The following FBXO34 variants were observed in gnomAD, a reference collection of about 807,000 sequenced individuals.
The protein encoded by FBXO34 is F-box only protein 34.
Under a neutral mutation model 24.5 loss-of-function variants are expected in FBXO34, and 12 were observed. The observed-to-expected ratio is 0.49, with a 90% CI of 0.31 to 0.79. The LOEUF (loss-of-function observed/expected upper bound fraction) is 0.79. Among genes scored for constraint, FBXO34 ranks in the 30% least tolerant of loss-of-function variants. The pLI is 0.04. For missense variants in FBXO34, 823 were observed against 857.7 expected (o/e 0.96, Z 0.51); for synonymous variants, 320 against 311.9 (o/e 1.03, Z -0.27).
At chr14:55,427,478 C>G in the FBXO34 span, among the ~76,000 whole-genome samples, 1 of 152,036 alleles carries the variant, frequency 6.6e-6, no homozygotes, top group Non-Finnish European at 1.5e-5. Context: ...CAATATGATC[C>G]CTATCTACTC....
intron 1 of FBXO34, among the ~76,000 whole-genome samples, chr14:55,310,338 A>G (rs995482693): frequency 1.3e-5 from 2 of 152,236 alleles, no homozygotes; most frequent in African/African-American, 4.8e-5. Flanking sequence ...GAGAAATGCT[A>G]GTAGCAGGTT....
At chr14:55,273,778 C>T (rs1881240820) in intron 1 of FBXO34, among the ~76,000 whole-genome samples, 1 of 152,104 alleles carries the variant, frequency 6.6e-6, no homozygotes. Flanking sequence ...GCCGGCTACA[C>T]GGCTGTATGT....
the FBXO34 span, chr14:55,433,825 A>G: frequency 2.1e-6 from 2 of 952,842 alleles, no homozygotes; most frequent in South Asian, 3.7e-5. Context: ...ATTGGATGGG[A>G]AAACTAAATG....
At chr14:55,428,865 C>A in the FBXO34 span, 1 of 1,614,224 alleles carries the variant, frequency 6.2e-7, no homozygotes. Context: ...AATCTCACAT[C>A]ACAGCTTCCA....
the FBXO34 span, among the ~76,000 whole-genome samples, chr14:55,396,365 A>T: frequency 6.6e-6 from 1 of 152,230 alleles, no homozygotes; most frequent in Admixed American, 6.5e-5. Context: ...GGTTCTATGG[A>T]ATAAAATGTT....
At chr14:55,325,092 A>G (rs1883296155) in intron 1 of FBXO34, among the ~76,000 whole-genome samples, 2 of 152,246 alleles carry the variant, frequency 1.3e-5, no homozygotes, top group Admixed American at 1.3e-4. Flanking sequence ...AAGTTTCAAC[A>G]TATGAATTGT....
the FBXO34 span, among the ~76,000 whole-genome samples, chr14:55,400,968 AG>A: frequency 1.3e-5 from 2 of 149,830 alleles, no homozygotes; most frequent in African/African-American, 5.0e-5. Flanking sequence ...TAAACTGCTT[AG>A]TCAAAGAATA....
At chr14:55,382,118 G>A in the FBXO34 span, 15 of 1,613,862 alleles carry the variant, frequency 9.3e-6, no homozygotes, top group South Asian at 6.6e-5. Flanking sequence ...GTTGTCCTCC[G>A]GGCTTCAGCA....
chr14:55,377,583 A>G, the FBXO34 span, among the ~76,000 whole-genome samples: 6 of 152,190 alleles, frequency 3.9e-5, no homozygotes, highest in Admixed American at 6.5e-5. Context: ...GGGTTCTTCA[A>G]CTGCGCTTCA....
the FBXO34 span, among the ~76,000 whole-genome samples, chr14:55,389,740 G>T: frequency 1.1e-4 from 16 of 152,300 alleles, no homozygotes; most frequent in Admixed American, 2.6e-4. Context: ...TGCTCTTGGA[G>T]TTATTTCTAA....
the FBXO34 span, among the ~76,000 whole-genome samples, chr14:55,386,447 A>G: frequency 2.6e-5 from 4 of 152,240 alleles, no homozygotes; most frequent in African/African-American, 9.6e-5. Flanking sequence ...ATCTAATTCA[A>G]GTTTGAAAAA....
chr14:55,349,513 A>T (rs1413931854), intron 1 of FBXO34, among the ~76,000 whole-genome samples: 1 of 152,028 alleles, frequency 6.6e-6, no homozygotes, highest in Admixed American at 6.6e-5. Context: ...AGACTAATAG[A>T]TGGGCAAAGT....
At chr14:55,393,223 A>C in the FBXO34 span, among the ~76,000 whole-genome samples, 19 of 148,008 alleles carry the variant, frequency 1.3e-4, no homozygotes, top group Middle Eastern at 3.5e-3. Flanking sequence ...CTACTAAAAA[A>C]ACACAAAAAA....
the FBXO34 span, among the ~76,000 whole-genome samples, chr14:55,387,825 C>T: frequency 6.6e-6 from 1 of 152,104 alleles, no homozygotes; most frequent in Non-Finnish European, 1.5e-5. Flanking sequence ...CACACCACCA[C>T]ACCCAGCTAA....
intron 1 of FBXO34, among the ~76,000 whole-genome samples, chr14:55,305,157 A>C (rs1006683773): frequency 5.9e-5 from 9 of 152,212 alleles, no homozygotes; most frequent in African/African-American, 2.2e-4. Context: ...TCATGCCTAT[A>C]ATCCCGACAC....
the FBXO34 span, chr14:55,411,915 G>T: frequency 8.1e-7 from 1 of 1,233,160 alleles, no homozygotes; most frequent in African/African-American, 1.5e-5. Flanking sequence ...GGGGGGCTGG[G>T]ATGCCGGCGA....
intron 1 of FBXO34, among the ~76,000 whole-genome samples, chr14:55,284,790 A>C (rs1308109303): frequency 6.7e-6 from 1 of 149,446 alleles, no homozygotes; most frequent in South Asian, 2.2e-4. Flanking sequence ...TGATTTTTGT[A>C]TCTTTTGTAG....
chr14:55,320,706 C>G (rs184847636), intron 1 of FBXO34, among the ~76,000 whole-genome samples: 4 of 152,056 alleles, frequency 2.6e-5, no homozygotes, highest in Non-Finnish European at 5.9e-5. Flanking sequence ...TGCGGTAAGT[C>G]GAGATCTGCC....
At chr14:55,316,888 A>G (rs542772937) in intron 1 of FBXO34, among the ~76,000 whole-genome samples, 16 of 152,052 alleles carry the variant, frequency 1.1e-4, no homozygotes, top group African/African-American at 2.7e-4. Context: ...TTTTATCTCT[A>G]TCTTTTATGC....
Sources: allele counts gnomAD v4.1 joint callset (sites outside exome capture counted in the v4.1 genomes callset), GRCh38; gene constraint gnomAD v4.1.1; transcripts MANE v1.5; gene names NCBI Gene and HGNC (gene_info 2026-07-23, HGNC 2026-07-21).